TMC1: variants seen among roughly 807,000 people sequenced by gnomAD.
The protein encoded by TMC1 is transmembrane channel-like protein 1.
TMC1 carries 84 observed loss-of-function variants against 105.8 expected under a neutral mutation model. The observed-to-expected ratio is 0.79, with a 90% CI of 0.67 to 0.95. The LOEUF is 0.95. Ranked by LOEUF, TMC1 falls within the 40% of genes least tolerant of loss-of-function variation. TMC1 has a pLI of 0.00. For missense variants in TMC1, 817 were observed against 914.1 expected (o/e 0.89, Z 1.37); for synonymous variants, 315 against 311.5 (o/e 1.01, Z -0.12).
intron 1 of TMC1, among the ~76,000 whole-genome samples, chr9:72,538,001 A>T (rs544191109): frequency 6.6e-6 from 1 of 152,082 alleles, no homozygotes; most frequent in South Asian, 2.1e-4. Context: ...CCAAAAAATA[A>T]AAAAATTAGA....
At chr9:72,629,574 G>A (rs929433529) in intron 4 of TMC1, among the ~76,000 whole-genome samples, 4 of 152,092 alleles carry the variant, frequency 2.6e-5, no homozygotes, top group Admixed American at 2.0e-4. Flanking sequence ...AAAGGCCACC[G>A]TTTCTGTGTG....
intron 2 of TMC1, among the ~76,000 whole-genome samples, chr9:72,606,136 A>G (rs1024740662): frequency 8.5e-5 from 13 of 152,112 alleles, no homozygotes; most frequent in African/African-American, 2.9e-4. Context: ...TGGGGCTGCA[A>G]TCTCATCTGA....
chr9:72,590,923 G>T (rs2132105593), intron 2 of TMC1, among the ~76,000 whole-genome samples: 1 of 152,332 alleles, frequency 6.6e-6, no homozygotes, highest in South Asian at 2.1e-4. Flanking sequence ...AAGAGGGAAG[G>T]TTGGGAAAGG....
intron 17 of TMC1, among the ~76,000 whole-genome samples, chr9:72,796,537 C>T (rs531357117): frequency 8.5e-5 from 13 of 152,098 alleles, no homozygotes; most frequent in African/African-American, 1.2e-4. Flanking sequence ...ATCAAGTAGG[C>T]GTCATCCTTG....
At chr9:72,774,751 T>C (rs1285076210) in intron 13 of TMC1, among the ~76,000 whole-genome samples, 1 of 152,124 alleles carries the variant, frequency 6.6e-6, no homozygotes, top group Non-Finnish European at 1.5e-5. Flanking sequence ...TACACCACTC[T>C]CACTCCACCA....
At chr9:72,537,806 A>G (rs1305554433) in intron 1 of TMC1, among the ~76,000 whole-genome samples, 4 of 152,164 alleles carry the variant, frequency 2.6e-5, no homozygotes, top group African/African-American at 9.7e-5. Flanking sequence ...CCTGATTGGC[A>G]ATGGTTGAAT....
Position 72,694,550 on chromosome 9 carries a change from G to A in TMC1, c.72G>A (p.Glu24=), listed in dbSNP as rs1219870972. ...ATCAAGTGCTATGTTTAGGTGAAGAGGAAGAGGAGGTGGAAGATAAGCTAC... is the reference window on the plus strand; with the variant it reads ...ATCAAGTGCTATGTTTAGGTGAAGAAGAAGAGGAGGTGGAAGATAAGCTAC... ...EDETEESSSE[E]EEEVEDKLPR... is the part of the protein sequence containing the mutation. Residue 24 remains glutamate (E), a synonymous_variant, in exon 7 of 24, where the codon GAG becomes GAA. Coordinates refer to ENST00000297784, the MANE Select transcript of TMC1 (RefSeq NM_138691.3). 7 of 1,612,276 alleles carry A rather than the reference G, an allele frequency of 4.3e-6. No individual in the cohort carries two copies. Among genetic ancestry groups the A allele is most frequent in the Non-Finnish European group, 5.9e-6 (7 of 1,179,064 alleles).
chr9:72,752,447 A>AACAC lies in TMC1; in HGVS notation c.642+515_642+518dup, dbSNP rs10640023. Among the ~76,000 whole-genome samples, 750 of 149,200 alleles carry AACAC rather than the reference A, an allele frequency of 5.0e-3. 7 individuals carry two copies. Among genetic ancestry groups the AACAC allele is most frequent in the African/African-American group, 0.016 (640 of 40,648 alleles). On this transcript the variant is annotated intron_variant, in intron 11 of 23. Coordinates refer to ENST00000297784, the MANE Select transcript of TMC1 (RefSeq NM_138691.3). ...AGATACAAAGTAAGATAATGCCCACAACACACACACACACACACACACACA... is the reference window on the plus strand; with the variant it reads ...AGATACAAAGTAAGATAATGCCCACAACACACACACACACACACACACACACACA...
intron 4 of TMC1, among the ~76,000 whole-genome samples, chr9:72,638,725 T>C (rs1588004793): frequency 6.6e-6 from 1 of 152,174 alleles, no homozygotes; most frequent in African/African-American, 2.4e-5. Flanking sequence ...CTCAGTCATC[T>C]CCCATGGAGA....
rs868468059 is a variant in TMC1 at position 72,629,927 on chromosome 9, G to A, written c.-53+1864G>A. Among the ~76,000 whole-genome samples, 17 of 152,086 alleles carry A rather than the reference G, an allele frequency of 1.1e-4. No individual in the cohort carries two copies. The Middle Eastern group carries it at 0.014, about 122-fold the overall frequency. On this transcript the variant is annotated intron_variant, in intron 4 of 23. Coordinates refer to ENST00000297784, the MANE Select transcript of TMC1 (RefSeq NM_138691.3). ...GTCACCTAGGCTGGAGTGCAATGGC[G>A]TGATCTTGGCTCACTGCAACCTTCA...
Position 72,656,935 on chromosome 9 carries a change from G to A in TMC1, c.16+8271G>A, listed in dbSNP as rs143173787. On this transcript the variant is annotated intron_variant, in intron 5 of 23. Transcript: ENST00000297784. ...GGGTCTCATGTTCTGTGAGATAGGA[G>A]GTCTTTCTCCTCTGACTGGTTGGTA... is the stretch of plus-strand genomic sequence containing the variant. Among the ~76,000 whole-genome samples the A allele has an allele frequency of 1.7e-3, 252 of 152,288 alleles. 1 individual carries two copies. Among genetic ancestry groups the A allele is most frequent in the African/African-American group, 5.8e-3 (241 of 41,550 alleles).
At chr9:72,723,418 A>G (rs1376335326) in intron 8 of TMC1, among the ~76,000 whole-genome samples, 1 of 152,180 alleles carries the variant, frequency 6.6e-6, no homozygotes, top group Non-Finnish European at 1.5e-5. Flanking sequence ...GAGTTGATCT[A>G]CCACAATTGC....
chr9:72,691,382 TTTTG>T (rs1267069936), intron 6 of TMC1, among the ~76,000 whole-genome samples: 1 of 152,124 alleles, frequency 6.6e-6, no homozygotes, highest in African/African-American at 2.4e-5. Context: ...TTTTTCTTGA[TTTTG>T]TTTGTTTGTT....
chr9:72,686,047 T>A (rs1826375154), intron 5 of TMC1, among the ~76,000 whole-genome samples: 1 of 152,236 alleles, frequency 6.6e-6, no homozygotes, highest in African/African-American at 2.4e-5. Context: ...CTTTTTACTG[T>A]TTTTAATTAC....
At chr9:72,593,749 G>GA (rs1354979630) in intron 2 of TMC1, among the ~76,000 whole-genome samples, 1 of 151,788 alleles carries the variant, frequency 6.6e-6, no homozygotes, top group East Asian at 1.9e-4. Context: ...GAAAAGAAAA[G>GA]AAAAATGGAA....
intron 6 of TMC1, among the ~76,000 whole-genome samples, chr9:72,692,815 C>A (rs1826487349): frequency 6.6e-6 from 1 of 151,976 alleles, no homozygotes; most frequent in Admixed American, 6.6e-5. Context: ...GTTTTCCAAG[C>A]CCAGTTAGAA....
chr9:72,631,242 T>G (rs534387787), intron 4 of TMC1, among the ~76,000 whole-genome samples: 2 of 152,386 alleles, frequency 1.3e-5, no homozygotes, highest in Admixed American at 1.3e-4. Flanking sequence ...TAAAATTTGT[T>G]TAACTTTTAC....
At chr9:72,633,398 C>T (rs1225378115) in intron 4 of TMC1, among the ~76,000 whole-genome samples, 1 of 152,172 alleles carries the variant, frequency 6.6e-6, no homozygotes, top group Non-Finnish European at 1.5e-5. Flanking sequence ...CCCTGAGCTT[C>T]TGCTATAGGG....
intron 5 of TMC1, among the ~76,000 whole-genome samples, chr9:72,663,359 A>G (rs1825994980): frequency 6.6e-6 from 1 of 152,210 alleles, no homozygotes; most frequent in South Asian, 2.1e-4. Context: ...AGGTTCTGTA[A>G]TAGTGATGTT....
Sources: gnomAD v4.1 joint callset for allele counts (sites outside exome capture counted in the v4.1 genomes callset) on GRCh38, gnomAD v4.1.1 for gene constraint, MANE v1.5 for transcripts, NCBI Gene and HGNC (gene_info 2026-07-23, HGNC 2026-07-21) for gene names.